The following NDUFAF2 variants were observed in gnomAD, a reference collection of about 807,000 sequenced individuals.
NDUFAF2 encodes NADH dehydrogenase [ubiquinone] 1 alpha subcomplex assembly factor 2.
Under a neutral mutation model 22.8 loss-of-function variants are expected in NDUFAF2, and 13 were observed. The observed-to-expected ratio is 0.57, with a 90% CI of 0.37 to 0.91. NDUFAF2 has a LOEUF of 0.91. Ranked by LOEUF, NDUFAF2 falls within the 40% of genes least tolerant of loss-of-function variation. The pLI is 0.01. For synonymous variants in NDUFAF2, 53 were observed against 64.2 expected (o/e 0.83, Z 0.84); for missense variants, 162 against 195.2 (o/e 0.83, Z 1.01).
intron 1 of NDUFAF2, among the ~76,000 whole-genome samples, chr5:61,063,525 A>G (rs1236650483): frequency 6.6e-6 from 1 of 151,922 alleles, no homozygotes. Flanking sequence ...ACAAGTCAAA[A>G]CCATCAGAAA....
chr5:60,972,789 G>T (rs1316645231), intron 1 of NDUFAF2, among the ~76,000 whole-genome samples: 233 of 127,928 alleles, frequency 1.8e-3, no homozygotes, highest in East Asian at 3.2e-3. Context: ...TTTTTTTTTG[G>T]TTTTCTTTTT....
At chr5:61,040,588 T>G (rs1347132365) in intron 1 of NDUFAF2, among the ~76,000 whole-genome samples, 1 of 152,088 alleles carries the variant, frequency 6.6e-6, no homozygotes, top group Non-Finnish European at 1.5e-5. Flanking sequence ...CAAATTTCTA[T>G]CATTTACTAA....
chr5:61,143,428 G>C (rs1038014248), intron 3 of NDUFAF2, among the ~76,000 whole-genome samples: 18 of 151,904 alleles, frequency 1.2e-4, no homozygotes, highest in Non-Finnish European at 2.9e-5. Flanking sequence ...ATTTATGTCT[G>C]GTAAGCAGTA....
intron 1 of NDUFAF2, among the ~76,000 whole-genome samples, chr5:61,009,717 A>G (rs1022387168): frequency 2.6e-5 from 4 of 152,062 alleles, no homozygotes; most frequent in African/African-American, 7.2e-5. Flanking sequence ...ATTCACTCTC[A>G]TGGCTCCAGT....
chr5:61,141,746 C>T (rs1242559073), intron 3 of NDUFAF2, among the ~76,000 whole-genome samples: 1 of 152,070 alleles, frequency 6.6e-6, no homozygotes, highest in East Asian at 1.9e-4. Flanking sequence ...CCTGTTGTCC[C>T]CTGCAACAAG....
At chr5:61,056,196 C>A (rs960803323) in intron 1 of NDUFAF2, among the ~76,000 whole-genome samples, 5 of 152,180 alleles carry the variant, frequency 3.3e-5, no homozygotes, top group African/African-American at 1.2e-4. Flanking sequence ...AATATCCAGG[C>A]ATGGGCTATC....
chr5:61,045,531 G>A (rs982037426), intron 1 of NDUFAF2, among the ~76,000 whole-genome samples: 13 of 151,602 alleles, frequency 8.6e-5, no homozygotes. Flanking sequence ...TAGAGACGGG[G>A]TCTCGCTATT....
Position 60,976,365 on chromosome 5 carries a change from A to G in NDUFAF2, c.127+30983A>G, listed in dbSNP as rs529086176. Reference sequence around the variant, plus strand: ...CTTAAAGCTTTTTTAGGCTTTATGTATGCCCTCAGACTCATTCATTTCTTT... The same window carrying G: ...CTTAAAGCTTTTTTAGGCTTTATGTGTGCCCTCAGACTCATTCATTTCTTT... On this transcript the variant is annotated intron_variant, in intron 1 of 3. Transcript: ENST00000296597. 3.3e-5 allele frequency among the ~76,000 whole-genome samples: 5 copies of G among 150,736 alleles called. No homozygotes were observed. In the South Asian group the frequency reaches 6.3e-4, roughly 19 times the overall value.
intron 3 of NDUFAF2, among the ~76,000 whole-genome samples, chr5:61,137,398 G>A (rs887143496): frequency 6.6e-6 from 1 of 152,138 alleles, no homozygotes; most frequent in Admixed American, 6.5e-5. Flanking sequence ...TTATATTCTA[G>A]TCAAGCCATA....
At chr5:61,078,831 A>G (rs1331827703) in intron 2 of NDUFAF2, among the ~76,000 whole-genome samples, 2 of 152,176 alleles carry the variant, frequency 1.3e-5, no homozygotes, top group African/African-American at 4.8e-5. Context: ...ATAAAGTTTC[A>G]GTGAACCTTG....
intron 1 of NDUFAF2, among the ~76,000 whole-genome samples, chr5:61,024,602 A>T (rs1751627238): frequency 6.6e-6 from 1 of 152,048 alleles, no homozygotes; most frequent in African/African-American, 2.4e-5. Context: ...AGAGAAAGTA[A>T]CTTATCCCAA....
At chr5:61,114,810 C>T (rs1266621114) in intron 3 of NDUFAF2, 1 of 152,130 alleles carries the variant, frequency 6.6e-6, no homozygotes, top group African/African-American at 2.4e-5. Flanking sequence ...GAAGTATTGT[C>T]TTGGTGGTCT....
intron 1 of NDUFAF2, among the ~76,000 whole-genome samples, chr5:61,067,103 A>G (rs1752237370): frequency 6.6e-6 from 1 of 152,134 alleles, no homozygotes; most frequent in Non-Finnish European, 1.5e-5. Flanking sequence ...GCGACACACA[A>G]AAAGGGATAA....
At chr5:61,011,841 T>C (rs6449516) in intron 1 of NDUFAF2, among the ~76,000 whole-genome samples, 2,589 of 152,206 alleles carry the variant, frequency 0.017, 79 homozygotes, top group African/African-American at 0.059. Flanking sequence ...ACTCAATGCC[T>C]GGCACATTAA....
intron 1 of NDUFAF2, among the ~76,000 whole-genome samples, chr5:61,030,254 TG>T (rs1299606990): frequency 2.0e-5 from 3 of 152,116 alleles, no homozygotes; most frequent in Non-Finnish European, 4.4e-5. Context: ...GATAGCATAT[TG>T]GTTAATCCCA....
At chr5:60,945,946 A>G (rs1295110844) in intron 1 of NDUFAF2, among the ~76,000 whole-genome samples, 2 of 151,848 alleles carry the variant, frequency 1.3e-5, no homozygotes, top group South Asian at 2.1e-4. Flanking sequence ...CTTACTACCA[A>G]GACTTGTCAG....
At chr5:61,120,107 A>G (rs984514076) in intron 3 of NDUFAF2, among the ~76,000 whole-genome samples, 9 of 152,180 alleles carry the variant, frequency 5.9e-5, no homozygotes, top group Admixed American at 6.5e-5. Context: ...TAAATAAAGA[A>G]AAACAAGCAC....
intron 1 of NDUFAF2, among the ~76,000 whole-genome samples, chr5:61,059,686 A>G (rs920710616): frequency 6.6e-6 from 1 of 152,132 alleles, no homozygotes; most frequent in African/African-American, 2.4e-5. Context: ...GGACACTTGT[A>G]AATATGAGGA....
intron 1 of NDUFAF2, among the ~76,000 whole-genome samples, chr5:61,068,068 A>G (rs1435871384): frequency 3.3e-5 from 5 of 152,130 alleles, no homozygotes; most frequent in Admixed American, 2.0e-4. Context: ...TTATTAATTC[A>G]TTTTAAAATA....
Sources: gnomAD v4.1 joint callset for allele counts (sites outside exome capture counted in the v4.1 genomes callset) on GRCh38, gnomAD v4.1.1 for gene constraint, MANE v1.5 for transcripts, NCBI Gene and HGNC (gene_info 2026-07-23, HGNC 2026-07-21) for gene names.